LEKR1: variants seen among roughly 807,000 people sequenced by gnomAD.
LEKR1 encodes the protein protein LEKR1.
Under a neutral mutation model 72.4 loss-of-function variants are expected in LEKR1, and 59 were observed. The observed-to-expected ratio is 0.82, with a 90% confidence interval of 0.66 to 1.01. The LOEUF is 1.01. Among genes scored for constraint, LEKR1 ranks in the 50% least tolerant of loss-of-function variants. The pLI is 0.00. For missense variants in LEKR1, 728 were observed against 759.2 expected (o/e 0.96, Z 0.48); for synonymous variants, 257 against 263.2 (o/e 0.98, Z 0.23).
chr3:156,919,464 T>C (rs1055731015), intron 3 of LEKR1, among the ~76,000 whole-genome samples: 14 of 152,198 alleles, frequency 9.2e-5, no homozygotes, highest in African/African-American at 1.7e-4. Flanking sequence ...CTCTGCTGAA[T>C]TGTGCAGTGA....
At chr3:156,921,425 T>A (rs1388430896) in intron 4 of LEKR1, among the ~76,000 whole-genome samples, 2 of 152,142 alleles carry the variant, frequency 1.3e-5, no homozygotes, top group Non-Finnish European at 2.9e-5. Flanking sequence ...TAAATTTCTG[T>A]GGGCTAATAA....
At chr3:156,935,970 G>T (rs1725661807) in intron 5 of LEKR1, among the ~76,000 whole-genome samples, 1 of 152,132 alleles carries the variant, frequency 6.6e-6, no homozygotes, top group African/African-American at 2.4e-5. Flanking sequence ...ATTTGTAAAT[G>T]TTATAATTTA....
At chr3:157,020,524 C>T (rs1248968407) in intron 10 of LEKR1, among the ~76,000 whole-genome samples, 31 of 145,658 alleles carry the variant, frequency 2.1e-4, no homozygotes, top group East Asian at 1.2e-3. Flanking sequence ...TGAGAACACG[C>T]GGTGTTTGGT....
chr3:156,997,064 T>A (rs1305559752), intron 9 of LEKR1, among the ~76,000 whole-genome samples: 9 of 140,112 alleles, frequency 6.4e-5, no homozygotes, highest in Non-Finnish European at 1.3e-4. Context: ...AAACTTCATT[T>A]AAAAAAAAAA....
At chr3:156,947,041 G>A (rs570930639) in intron 6 of LEKR1, among the ~76,000 whole-genome samples, 1 of 150,792 alleles carries the variant, frequency 6.6e-6, no homozygotes, top group East Asian at 1.9e-4. Context: ...TTAAAGGTTT[G>A]TTAATTTTAT....
chr3:157,001,484 A>G (rs1732008649), intron 9 of LEKR1, among the ~76,000 whole-genome samples: 2 of 152,230 alleles, frequency 1.3e-5, no homozygotes, highest in Admixed American at 6.5e-5. Flanking sequence ...TTATGTTTTT[A>G]ACTGCAATTA....
chr3:156,874,187 G>C (rs1718296602), intron 3 of LEKR1, among the ~76,000 whole-genome samples: 1 of 151,966 alleles, frequency 6.6e-6, no homozygotes, highest in African/African-American at 2.4e-5. Flanking sequence ...GAATTCTTCA[G>C]TTCCAGAATT....
At chr3:156,944,765 T>C (rs560386566) in intron 6 of LEKR1, among the ~76,000 whole-genome samples, 73 of 152,000 alleles carry the variant, frequency 4.8e-4, no homozygotes, top group African/African-American at 1.6e-3. Context: ...TTTTTATGGC[T>C]GAATAGTATT....
At chr3:156,876,081 A>T (rs1718536148) in intron 3 of LEKR1, among the ~76,000 whole-genome samples, 1 of 150,852 alleles carries the variant, frequency 6.6e-6, no homozygotes, top group Admixed American at 6.6e-5. Flanking sequence ...CCATTTGTGG[A>T]ATAGGGTGTC....
chr3:156,936,939 A>T (rs1725768475), intron 5 of LEKR1, among the ~76,000 whole-genome samples: 1 of 152,208 alleles, frequency 6.6e-6, no homozygotes, highest in African/African-American at 2.4e-5. Flanking sequence ...AACTAAAATC[A>T]TGGTACCTAA....
chr3:156,917,791 A>G (rs1457115112), intron 3 of LEKR1, among the ~76,000 whole-genome samples: 1 of 152,238 alleles, frequency 6.6e-6, no homozygotes, highest in South Asian at 2.1e-4. Flanking sequence ...GAACCAGGGT[A>G]TAGGAGAATT....
At chr3:156,991,141 C>T (rs1731116094) in intron 7 of LEKR1, among the ~76,000 whole-genome samples, 1 of 151,746 alleles carries the variant, frequency 6.6e-6, no homozygotes, top group African/African-American at 2.4e-5. Flanking sequence ...GTAATAAAGC[C>T]CTAAGGAAAA....
chr3:156,877,187 T>A (rs1718699863), intron 3 of LEKR1, among the ~76,000 whole-genome samples: 1 of 152,238 alleles, frequency 6.6e-6, no homozygotes. Context: ...GTGTATTATC[T>A]CTTTGATATT....
intron 3 of LEKR1, among the ~76,000 whole-genome samples, chr3:156,855,086 T>G (rs967578339): frequency 1.3e-5 from 2 of 152,208 alleles, no homozygotes; most frequent in African/African-American, 4.8e-5. Flanking sequence ...ACATTTATAT[T>G]ATTTCCAATT....
At chr3:156,906,254 A>G (rs1722522897) in intron 3 of LEKR1, among the ~76,000 whole-genome samples, 1 of 152,216 alleles carries the variant, frequency 6.6e-6, no homozygotes. Flanking sequence ...GAAAATAATT[A>G]AGAAGGGACT....
rs561039357 is a variant in LEKR1 at position 156,936,426 on chromosome 3, AAC to A, written c.560-6064_560-6063del. Among the ~76,000 whole-genome samples the A allele has an allele frequency of 9.9e-3, 763 of 76,868 alleles. 5 individuals are homozygous for A. The highest frequency in any genetic ancestry group is 0.02 in the Middle Eastern group (4 of 198). 50.4% of individuals were successfully genotyped at this position (76,868 alleles called of 152,430 possible). ...TCAGTGTCCTCATCTGTACAATGAGAACACACACACACACACACACACACACA... is the reference window on the plus strand; with the variant it reads ...TCAGTGTCCTCATCTGTACAATGAGAACACACACACACACACACACACACA... On this transcript the variant is annotated intron_variant, in intron 5 of 12. Transcript: ENST00000356539.
intron 12 of LEKR1, among the ~76,000 whole-genome samples, chr3:157,029,475 G>A (rs950270939): frequency 6.6e-6 from 1 of 152,150 alleles, no homozygotes; most frequent in African/African-American, 2.4e-5. Context: ...GAATCTCTAT[G>A]ATATGATGTT....
intron 3 of LEKR1, among the ~76,000 whole-genome samples, chr3:156,879,390 A>C (rs574049863): frequency 2.9e-4 from 44 of 152,202 alleles, no homozygotes; most frequent in Non-Finnish European, 5.9e-4. Context: ...GATATGATTT[A>C]GAGTATCTGG....
chr3:156,916,003 T>C (rs1291642380), intron 3 of LEKR1, among the ~76,000 whole-genome samples: 7 of 152,200 alleles, frequency 4.6e-5, no homozygotes, highest in Admixed American at 4.6e-4. Flanking sequence ...CCTAGCACCA[T>C]TTATTGAATA....
Sources: gnomAD v4.1 joint callset for allele counts (sites outside exome capture counted in the v4.1 genomes callset) on GRCh38, gnomAD v4.1.1 for gene constraint, MANE v1.5 for transcripts, NCBI Gene and HGNC (gene_info 2026-07-23, HGNC 2026-07-21) for gene names.